Variants in ZNF395 observed in about 807,000 individuals in gnomAD.
ZNF395 encodes the protein HD gene regulatory region-binding protein 2.
In ZNF395, 20 loss-of-function variants were observed where a neutral mutation model predicts 57.7. The observed-to-expected ratio is 0.35, with a 90% confidence interval of 0.24 to 0.50. The LOEUF is 0.50. Among genes scored for constraint, ZNF395 ranks in the 20% least tolerant of loss-of-function variants. ZNF395 has a pLI of 0.97. For synonymous variants in ZNF395, 295 were observed against 275.9 expected (o/e 1.07, Z -0.69); for missense variants, 606 against 671.2 (o/e 0.90, Z 1.07).
intron 1 of ZNF395, among the ~76,000 whole-genome samples, chr8:28,363,274 G>A (rs1801872364): frequency 6.6e-6 from 1 of 152,024 alleles, no homozygotes; most frequent in South Asian, 2.1e-4. Flanking sequence ...TGGAACCACA[G>A]GTGTGCGCTA....
chr8:28,358,151 CTT>C (rs746800075), intron 3 of ZNF395, among the ~76,000 whole-genome samples: 39 of 101,110 alleles, frequency 3.9e-4, no homozygotes, highest in African/African-American at 1.1e-3. Flanking sequence ...TCTTTTTTTT[CTT>C]TTTTTTTTTT....
intron 1 of ZNF395, among the ~76,000 whole-genome samples, chr8:28,382,081 C>G (rs374515984): frequency 4.6e-5 from 7 of 152,240 alleles, no homozygotes; most frequent in African/African-American, 1.4e-4. Context: ...CTCTTGAAAA[C>G]TCAGGTCGCA....
At chr8:28,383,057 T>C (rs186545043) in intron 1 of ZNF395, among the ~76,000 whole-genome samples, 79 of 152,318 alleles carry the variant, frequency 5.2e-4, no homozygotes, top group African/African-American at 1.9e-3. Context: ...GTAAATTAGC[T>C]TGACCACTGC....
At chr8:28,364,162 CAGAG>C (rs1031215802) in intron 1 of ZNF395, among the ~76,000 whole-genome samples, 9 of 152,324 alleles carry the variant, frequency 5.9e-5, no homozygotes, top group African/African-American at 1.9e-4. Context: ...GTGACAACCT[CAGAG>C]AGGTCAGGAT....
chr8:28,362,020 G>A (rs1169515292), intron 1 of ZNF395, among the ~76,000 whole-genome samples: 1 of 151,850 alleles, frequency 6.6e-6, no homozygotes, highest in Non-Finnish European at 1.5e-5. Flanking sequence ...GAACCCAGGA[G>A]GCGGGAGGCT....
rs2129951276 is a variant in ZNF395 at position 28,356,567 on chromosome 8, C to G, written c.583+103G>C. The G allele has an allele frequency of 1.3e-6, 1 of 775,194 alleles. No individual in the cohort carries two copies. Among genetic ancestry groups the G allele is most frequent in the East Asian group, 2.8e-5 (1 of 36,310 alleles). The allele number at this position is 775,194 out of a possible 1,614,324, so 48.0% of individuals were successfully genotyped here. A position where few individuals can be genotyped will look rare whatever the true frequency, so the allele number is the denominator to read the frequency against. ...CCAGTGGGAGGTGTCCCTGGACATT[C>G]TATTGCCAGGCTGGTGACATAGGCA... is the stretch of plus-strand genomic sequence containing the variant. On this transcript the variant is annotated intron_variant, in intron 4 of 9. Coordinates refer to ENST00000344423, the MANE Select transcript of ZNF395 (RefSeq NM_018660.3). The surrounding 1 kb of genome is among the most constrained non-coding windows in gnomAD (Gnocchi z 4.0).
At chr8:28,348,985 C>T (rs746078971) in intron 9 of ZNF395, 140 bp downstream of exon 9, 129 of 1,145,556 alleles carry the variant, frequency 1.1e-4, no homozygotes, top group Non-Finnish European at 1.6e-4. Context: ...ACCAAACAGT[C>T]ATCCCATCTG....
chr8:28,376,004 C>T (rs962391292), intron 1 of ZNF395, among the ~76,000 whole-genome samples: 6 of 152,094 alleles, frequency 3.9e-5, no homozygotes, highest in Non-Finnish European at 5.9e-5. Context: ...TTTTTATTTT[C>T]TTTTTGTTGC....
At chr8:28,369,244 G>A (rs1244770564) in intron 1 of ZNF395, among the ~76,000 whole-genome samples, 3 of 151,756 alleles carry the variant, frequency 2.0e-5, no homozygotes, top group Non-Finnish European at 4.4e-5. Context: ...CCAAACAAAG[G>A]AGAATCACTC....
At chr8:28,374,703 A>G (rs1802019963) in intron 1 of ZNF395, among the ~76,000 whole-genome samples, 1 of 152,182 alleles carries the variant, frequency 6.6e-6, no homozygotes, top group South Asian at 2.1e-4. Flanking sequence ...TTCAAGGAAA[A>G]GGCAGGGAAA....
rs1357966185 is a variant in ZNF395 at position 28,359,486 on chromosome 8, C to A, written c.473+106G>T. The A allele has an allele frequency of 1.4e-6, 2 of 1,424,676 alleles. No individual in the cohort carries two copies. Among genetic ancestry groups the A allele is most frequent in the African/African-American group, 2.9e-5 (2 of 69,680 alleles). 88.3% of individuals were successfully genotyped at this position (1,424,676 alleles called of 1,614,324 possible). ...CCATTTGTCCCAATATCTTGGCACC[C>A]AGATGCCAATGACACCACATTTCTT... On this transcript the variant is annotated intron_variant, in intron 3 of 9. Coordinates refer to ENST00000344423, the MANE Select transcript of ZNF395 (RefSeq NM_018660.3). This position sits in a 1 kb window ranked among gnomAD's most constrained non-coding sequence, Gnocchi z 4.7.
chr8:28,381,203 G>C (rs371878100), intron 1 of ZNF395, among the ~76,000 whole-genome samples: 1 of 152,048 alleles, frequency 6.6e-6, no homozygotes, highest in Admixed American at 6.6e-5. Context: ...CACCACGCCC[G>C]GCTAATTTTT....
chr8:28,377,595 T>C (rs963587605), intron 1 of ZNF395, among the ~76,000 whole-genome samples: 2 of 152,008 alleles, frequency 1.3e-5, no homozygotes, highest in Non-Finnish European at 2.9e-5. Flanking sequence ...AAGGTGCTCC[T>C]GGGGATATAA....
intron 1 of ZNF395, among the ~76,000 whole-genome samples, chr8:28,384,367 T>A (rs200323914): frequency 6.6e-6 from 1 of 152,182 alleles, no homozygotes; most frequent in Non-Finnish European, 1.5e-5. Context: ...CCATGTTCAT[T>A]CCCACCTCAC....
intron 1 of ZNF395, among the ~76,000 whole-genome samples, chr8:28,373,208 C>T (rs1801997671): frequency 6.6e-6 from 1 of 152,208 alleles, no homozygotes; most frequent in Admixed American, 6.5e-5. Flanking sequence ...CCTCTCCCCA[C>T]CCAGGTGGCC....
rs750789806 is a variant in ZNF395, at chr8:28,364,798, A to C, written c.-58-3616T>G. Among the ~76,000 whole-genome samples the C allele has an allele frequency of 4.9e-4, 75 of 152,182 alleles. 1 individual carries two copies. The highest frequency in any genetic ancestry group is 6.9e-4 in the Non-Finnish European group (47 of 68,032). ...AAAAAGAAAAAATAGCTCCTGATCTAAAAGTCTACACATCCATTTTCTCAC... is the reference window on the plus strand; with the variant it reads ...AAAAAGAAAAAATAGCTCCTGATCTCAAAGTCTACACATCCATTTTCTCAC... On this transcript the variant is annotated intron_variant, in intron 1 of 9. Transcript: ENST00000344423.
Position 28,352,593 on chromosome 8 carries a change from G to A in ZNF395, c.900C>T (p.His300=), listed in dbSNP as rs113771455. ...CATACCCCAGATGGAGGGCTTTGACGTGTCGTTTGATGCCCACAATGGAGC... is the reference window on the plus strand; with the variant it reads ...CATACCCCAGATGGAGGGCTTTGACATGTCGTTTGATGCCCACAATGGAGC... ...VLRSIVGIKR[H]VKALHLGDTV... Residue 300 remains histidine, a synonymous_variant, in exon 6 of 10, where the codon CAC becomes CAT. Transcript: ENST00000344423. The surrounding 1 kb of genome is among the most constrained non-coding windows in gnomAD (Gnocchi z 4.0). The A allele has an allele frequency of 2.1e-5, 34 of 1,614,118 alleles. 1 individual carries two copies. The highest frequency in any genetic ancestry group is 1.5e-4 in the South Asian group (14 of 91,080).
intron 1 of ZNF395, among the ~76,000 whole-genome samples, chr8:28,383,482 G>A (rs1446799674): frequency 1.3e-5 from 2 of 152,040 alleles, no homozygotes; most frequent in Non-Finnish European, 2.9e-5. Context: ...TCAAAGCCCA[G>A]CAATTTACTG....
In ZNF395 at chr8:28,356,529, C is replaced by T; in HGVS notation, c.583+141G>A. On this transcript the variant is annotated intron_variant, in intron 4 of 9. Transcript: ENST00000344423. This position sits in a 1 kb window ranked among gnomAD's most constrained non-coding sequence, Gnocchi z 4.0. ...AAGCATCTAACTCCATGGCATGCAGCCGGTCAGAGGTGCCAGTGGGAGGTG... is the reference window on the plus strand; with the variant it reads ...AAGCATCTAACTCCATGGCATGCAGTCGGTCAGAGGTGCCAGTGGGAGGTG... The T allele has an allele frequency of 1.7e-6, 1 of 605,412 alleles. No individual in the cohort carries two copies. Among genetic ancestry groups the T allele is most frequent in the Non-Finnish European group, 2.9e-6 (1 of 342,760 alleles). The allele number at this position is 605,412 out of a possible 1,614,324, so 37.5% of individuals were successfully genotyped here. A position where few individuals can be genotyped will look rare whatever the true frequency, so the allele number is the denominator to read the frequency against.
Sources: gnomAD v4.1 joint callset for allele counts (sites outside exome capture counted in the v4.1 genomes callset) on GRCh38, gnomAD v4.1.1 for gene constraint, Gnocchi (gnomAD v3.1) non-coding constraint, MANE v1.5 for transcripts, NCBI Gene and HGNC (gene_info 2026-07-23, HGNC 2026-07-21) for gene names.